Variants in PPP6R3 observed in about 807,000 individuals in gnomAD.
PPP6R3 encodes the protein protein phosphatase 6 regulatory subunit 3, also known as serine/threonine-protein phosphatase 6 regulatory subunit 3.
A neutral mutation model predicts 110.7 loss-of-function variants in PPP6R3; 38 were observed. That is an observed-to-expected ratio of 0.34 (90% CI 0.26 to 0.45). The LOEUF (loss-of-function observed/expected upper bound fraction) is 0.45, where lower values mean the gene tolerates loss of function less well. Among genes scored for constraint, PPP6R3 ranks in the 20% least tolerant of loss-of-function variants. The pLI is 1.00. For synonymous variants in PPP6R3, 369 were observed against 373.5 expected, an observed-to-expected ratio of 0.99 and a Z score of 0.14; for missense variants, 870 against 1,062.4, an observed-to-expected ratio of 0.82 and a Z score of 2.52.
rs537648722 is a variant in PPP6R3, at chr11:68,506,368, G to A, written c.-157-13133G>A. On this transcript the variant is annotated intron_variant, in intron 1 of 23. Coordinates refer to ENST00000393800, the MANE Select transcript of PPP6R3 (RefSeq NM_001164161.2). ...TGATCTTCCTGTTTCAGTCCCCAAGGTGTTGGGATTATGGGCATGAACTGC... is the reference window on the plus strand; with the variant it reads ...TGATCTTCCTGTTTCAGTCCCCAAGATGTTGGGATTATGGGCATGAACTGC... Among the ~76,000 whole-genome samples, 29 of 126,924 alleles carry A rather than the reference G, an allele frequency of 2.3e-4. No homozygotes were observed. In the South Asian group the frequency reaches 7.1e-3, roughly 31 times the overall value. The allele number at this position is 126,924 out of a possible 152,430, so 83.3% of individuals were successfully genotyped here.
chr11:68,577,984 T>G (rs1351370209), intron 14 of PPP6R3, among the ~76,000 whole-genome samples: 1 of 152,218 alleles, frequency 6.6e-6, no homozygotes, highest in Admixed American at 6.5e-5. Context: ...TGCTGTCTGT[T>G]GAGACTTTCA....
intron 6 of PPP6R3, among the ~76,000 whole-genome samples, chr11:68,553,499 G>A (rs542995120): frequency 6.6e-6 from 1 of 152,078 alleles, no homozygotes; most frequent in Admixed American, 6.5e-5. Context: ...CTCCATGTTG[G>A]TCACACTGGG....
chr11:68,546,529 A>G (rs566758728), intron 4 of PPP6R3, among the ~76,000 whole-genome samples: 22 of 152,338 alleles, frequency 1.4e-4, no homozygotes, highest in African/African-American at 4.6e-4. Flanking sequence ...AATGATAGCA[A>G]GAGGATTCAG....
At chr11:68,524,614 G>T (rs1402698371) in intron 2 of PPP6R3, among the ~76,000 whole-genome samples, 1 of 152,216 alleles carries the variant, frequency 6.6e-6, no homozygotes, top group East Asian at 1.9e-4. Flanking sequence ...CTTCACTTCA[G>T]CAGTTTTCTT....
intron 22 of PPP6R3, among the ~76,000 whole-genome samples, chr11:68,607,066 C>T (rs1044010476): frequency 1.3e-5 from 2 of 152,180 alleles, no homozygotes; most frequent in African/African-American, 4.8e-5. Flanking sequence ...GAGACCATGG[C>T]ATAGCTTAGT....
At chr11:68,548,045 T>G (rs2153687342) in intron 4 of PPP6R3, 22 bp from the exon 5 acceptor site, 4 of 1,603,818 alleles carry the variant, frequency 2.5e-6, no homozygotes, top group Non-Finnish European at 3.4e-6. Context: ...TGTCTTTCAG[T>G]TTCTGATCTG....
At position 68,575,945 on chromosome 11, in the gene PPP6R3, TC is replaced by T. The variant is rs1470573740; in HGVS notation, c.1460-12del. 6.3e-7 allele frequency: 1 copy of T among 1,595,844 alleles called. No homozygotes were observed. The highest frequency in any genetic ancestry group is 8.6e-7 in the Non-Finnish European group (1 of 1,166,012). Reference sequence around the variant, plus strand: ...TGTGGTGATAATGCTTTTTTGCTTTTCTCACTCTGAAGATCTTCCCGACGAA... The same window carrying T: ...TGTGGTGATAATGCTTTTTTGCTTTTTCACTCTGAAGATCTTCCCGACGAA... On this transcript the variant is annotated splice_polypyrimidine_tract_variant and intron_variant, in intron 13 of 23. Coordinates refer to ENST00000393800, the MANE Select transcript of PPP6R3 (RefSeq NM_001164161.2).
intron 23 of PPP6R3, among the ~76,000 whole-genome samples, chr11:68,610,710 C>T (rs1034105657): frequency 1.3e-5 from 2 of 152,182 alleles, no homozygotes; most frequent in Non-Finnish European, 2.9e-5. Flanking sequence ...GAGGCTGCAC[C>T]CCTGGGCCAC....
chr11:68,595,867 C>A (rs1226565308), intron 18 of PPP6R3, among the ~76,000 whole-genome samples: 1 of 152,204 alleles, frequency 6.6e-6, no homozygotes, highest in Non-Finnish European at 1.5e-5. Context: ...ATTGTGGCCT[C>A]CACTTTAAGC....
Position 68,473,375 on chromosome 11 carries a change from G to A in PPP6R3, c.-158+12548G>A, listed in dbSNP as rs554471137. ...GTTCCTGGAGGGTGGTGTGCCCATA[G>A]AGGGCATGGAAGCTCTGAGCCCCTC... is the stretch of plus-strand genomic sequence containing the variant. On this transcript the variant is annotated intron_variant, in intron 1 of 23. Transcript: ENST00000393800. Among the ~76,000 whole-genome samples the A allele has an allele frequency of 3.9e-5, 6 of 152,346 alleles. No homozygotes were observed. The East Asian group carries it at 1.2e-3, about 29-fold the overall frequency.
chr11:68,612,878 A>AT lies in PPP6R3; in HGVS notation c.2571-188_2571-187insT. 5.3e-6 allele frequency: 6 copies of AT among 1,139,964 alleles called. No homozygotes were observed. The South Asian group carries it at 9.5e-5, about 18-fold the overall frequency. The allele number at this position is 1,139,964 out of a possible 1,614,324, so 70.6% of individuals were successfully genotyped here. A position where few individuals can be genotyped will look rare whatever the true frequency, so the allele number is the denominator to read the frequency against. On this transcript the variant is annotated intron_variant, in intron 23 of 23. Transcript: ENST00000393800. ...GCCTGCTCACCCGGTGATGAAGCTTAGATGCACTCACTCAGATTTTTCTAG... is the reference window on the plus strand; with the variant it reads ...GCCTGCTCACCCGGTGATGAAGCTTATGATGCACTCACTCAGATTTTTCTAG...
In PPP6R3 at chr11:68,564,313, C is replaced by T. The variant is rs1275134805; in HGVS notation, c.856C>T (p.His286Tyr). Reference sequence around the variant, plus strand: ...TTGCTTTGTTTCAAGATTTGAAGGCCATATAGAGATCTGCCCACCAGGCAT... The same window carrying T: ...TTGCTTTGTTTCAAGATTTGAAGGCTATATAGAGATCTGCCCACCAGGCAT... Reference protein sequence around the residue: ...LETRRPTFEGHIEICPPGMSH... With the variant: ...LETRRPTFEGYIEICPPGMSH... Residue 286 changes from histidine to tyrosine, a missense_variant, in exon 9 of 24, where the codon CAT (histidine) becomes TAT (tyrosine). Coordinates refer to ENST00000393800, the MANE Select transcript of PPP6R3 (RefSeq NM_001164161.2). 4 of 1,610,830 alleles carry T rather than the reference C, an allele frequency of 2.5e-6. No homozygotes were observed. The highest frequency in any genetic ancestry group is 2.2e-5 in the East Asian group (1 of 44,818).
intron 10 of PPP6R3, among the ~76,000 whole-genome samples, chr11:68,568,280 T>G (rs1037818355): frequency 6.6e-6 from 1 of 152,214 alleles, no homozygotes; most frequent in Non-Finnish European, 1.5e-5. Flanking sequence ...AATATAACGT[T>G]CCTAAGTCAT....
chr11:68,492,648 GA>G (rs2098991140), intron 1 of PPP6R3, among the ~76,000 whole-genome samples: 2 of 152,172 alleles, frequency 1.3e-5, no homozygotes. Flanking sequence ...GGAATGGCTA[GA>G]TCATATGGCA....
At chr11:68,572,842 AC>A (rs1295800662) in intron 12 of PPP6R3, among the ~76,000 whole-genome samples, 1 of 103,308 alleles carries the variant, frequency 9.7e-6, no homozygotes, top group Non-Finnish European at 1.9e-5. Context: ...CCTTGTCTCT[AC>A]CTAAATAATC....
chr11:68,544,339 A>G (rs2099337178), intron 3 of PPP6R3, among the ~76,000 whole-genome samples: 1 of 152,236 alleles, frequency 6.6e-6, no homozygotes, highest in African/African-American at 2.4e-5. Context: ...TAGACTTAGT[A>G]CCATTTACAA....
intron 1 of PPP6R3, among the ~76,000 whole-genome samples, chr11:68,510,164 C>T (rs147904743): frequency 0.011 from 1,588 of 150,436 alleles, 36 homozygotes; most frequent in African/African-American, 0.037. Context: ...CCTTGGCCTC[C>T]CACAGTGCTG....
chr11:68,564,315 TATAGAGATCTGC>T lies in PPP6R3; in HGVS notation c.859_870del (p.Ile287_Cys290del). 6.2e-7 allele frequency: 1 copy of T among 1,611,146 alleles called. No individual in the cohort carries two copies. Among genetic ancestry groups the T allele is most frequent in the Non-Finnish European group, 8.5e-7 (1 of 1,177,544 alleles). Reference sequence around the variant, plus strand: ...GCTTTGTTTCAAGATTTGAAGGCCATATAGAGATCTGCCCACCAGGCATGAGCCATTCAGCTT... The same window carrying T: ...GCTTTGTTTCAAGATTTGAAGGCCATCCACCAGGCATGAGCCATTCAGCTT... On this transcript the variant is annotated inframe_deletion, in exon 9 of 24. Coordinates refer to ENST00000393800, the MANE Select transcript of PPP6R3 (RefSeq NM_001164161.2).
chr11:68,503,233 T>A (rs2099057491), intron 1 of PPP6R3, among the ~76,000 whole-genome samples: 1 of 152,206 alleles, frequency 6.6e-6, no homozygotes, highest in African/African-American at 2.4e-5. Context: ...TGAGCCACCG[T>A]GCCCGGCCTG....
Sources: gnomAD v4.1 joint callset for allele counts (sites outside exome capture counted in the v4.1 genomes callset) on GRCh38, gnomAD v4.1.1 for gene constraint, MANE v1.5 for transcripts, NCBI Gene and HGNC (gene_info 2026-07-23, HGNC 2026-07-21) for gene names.